MCM3AP: variants seen among roughly 807,000 people sequenced by gnomAD.
MCM3AP encodes the protein germinal-center associated nuclear protein.
Under a neutral mutation model 184.1 loss-of-function variants are expected in MCM3AP, and 126 were observed. The observed-to-expected ratio is 0.68, with a 90% confidence interval of 0.59 to 0.79. MCM3AP has a LOEUF of 0.79. MCM3AP is among the 30% of genes least tolerant of loss of function. The pLI is 0.00. For missense variants in MCM3AP, 2,496 were observed against 2,479.2 expected, an observed-to-expected ratio of 1.01 and a Z score of -0.14; for synonymous variants, 1,002 against 979.3, an observed-to-expected ratio of 1.02 and a Z score of -0.43.
rs376423908 is a variant in MCM3AP at position 46,265,342 on chromosome 21, G to C, written c.3213C>G (p.Pro1071=). 1 of 1,613,854 alleles carries C rather than the reference G, an allele frequency of 6.2e-7. No individual in the cohort carries two copies. The highest frequency in any genetic ancestry group is 8.5e-7 in the Non-Finnish European group (1 of 1,180,016). The stretch of plus-strand genomic sequence containing the variant: ...CTACCTCGTCAGAGTACATGGGCAC[G>C]GGCTCTGGAGGCGGTGGTTCAGGCT... ...SVQPEPPPPE[P]VPMYSDEDLA... is the part of the protein sequence containing the mutation. The change falls in exon 12 of 28, where the codon CCC becomes CCG. Residue 1071 remains proline, a synonymous_variant. Coordinates refer to ENST00000291688, the MANE Select transcript of MCM3AP (RefSeq NM_003906.5).
intron 9 of MCM3AP, 110 bp from the exon 10 acceptor site, chr21:46,267,252 G>C: frequency 9.5e-7 from 1 of 1,047,858 alleles, no homozygotes; most frequent in Non-Finnish European, 1.4e-6. Context: ...GGCTCCTCCT[G>C]GGCTGAGTCC....
In MCM3AP at chr21:46,273,576, C is replaced by A. The variant is rs150303901; in HGVS notation, c.2008G>T (p.Ala670Ser). Residue 670 changes from alanine (A) to serine (S), a missense_variant, in exon 7 of 28, where the codon GCA becomes TCA. Physicochemically the swap from Ala to Ser is moderately conservative, Grantham distance 99. Coordinates refer to ENST00000291688, the MANE Select transcript of MCM3AP (RefSeq NM_003906.5). The stretch of plus-strand genomic sequence containing the variant: ...CGACTGTACTCTTTCACAGCTGCTG[C>A]GTGGTCCACCTAGAGACATGAAGCC... ...VVPGTDQVDH[A>S]AAVKEYSRSS... 2.5e-6 allele frequency: 4 copies of A among 1,613,550 alleles called. No homozygotes were observed. Among genetic ancestry groups the A allele is most frequent in the Non-Finnish European group, 3.4e-6 (4 of 1,179,786 alleles).
Position 46,275,313 on chromosome 21 carries a change from C to T in MCM3AP, c.1871G>A (p.Arg624Lys), listed in dbSNP as rs774056935. Reference protein sequence around the residue: ...DRIMRQARVKRTDLDKARTFV... With the variant: ...DRIMRQARVKKTDLDKARTFV... ...AGTCCTCGCTTTGTCCAGATCGGTT[C>T]TCTTCACCCGAGCTAAATGACGTCA... The change falls in exon 6 of 28, where the codon AGA becomes AAA. Residue 624 changes from arginine to lysine, a missense_variant. Physicochemically the swap from Arg to Lys is conservative, Grantham distance 26 (BLOSUM62 2). This residue lies in a region of MCM3AP where 130 missense variants were observed against 199.8 expected (regional missense o/e 0.65). Coordinates refer to ENST00000291688, the MANE Select transcript of MCM3AP (RefSeq NM_003906.5). The T allele has an allele frequency of 6.2e-7, 1 of 1,612,978 alleles. No individual in the cohort carries two copies. Among genetic ancestry groups the T allele is most frequent in the Non-Finnish European group, 8.5e-7 (1 of 1,179,628 alleles).
chr21:46,259,189 C>T, intron 15 of MCM3AP, 98 bp from the exon 16 acceptor site: 2 of 1,251,364 alleles, frequency 1.6e-6, no homozygotes, highest in Non-Finnish European at 2.2e-6. Context: ...GGCGCGGTGG[C>T]TCACGCCTGT....
At chr21:46,243,273 C>T in intron 24 of MCM3AP, 192 bp downstream of exon 24, 1 of 748,502 alleles carries the variant, frequency 1.3e-6, no homozygotes, top group Non-Finnish European at 2.2e-6. Context: ...GAGGTGAGTT[C>T]AGGCTCTACC....
chr21:46,261,700 T>C (rs2081043766), intron 13 of MCM3AP, among the ~76,000 whole-genome samples: 1 of 138,124 alleles, frequency 7.2e-6, no homozygotes, highest in Non-Finnish European at 1.5e-5. Context: ...GTCACTGTAC[T>C]CCAGCCTGGG....
chr21:46,283,204 CG>C (rs1287009738), intron 2 of MCM3AP, among the ~76,000 whole-genome samples: 2 of 152,192 alleles, frequency 1.3e-5, no homozygotes, highest in Non-Finnish European at 2.9e-5. Flanking sequence ...GGACTACAAG[CG>C]TAAGCCACCA....
chr21:46,254,287 T>C, intron 19 of MCM3AP, 105 bp downstream of exon 19: 2 of 1,235,040 alleles, frequency 1.6e-6, no homozygotes, highest in Non-Finnish European at 2.3e-6. Flanking sequence ...AAACCTACAC[T>C]TCCGAGTTCC....
chr21:46,269,017 A>G, intron 9 of MCM3AP, among the ~76,000 whole-genome samples: 1 of 152,204 alleles, frequency 6.6e-6, no homozygotes, highest in East Asian at 1.9e-4. Context: ...CAGCCTGGGC[A>G]ACAGAGCGAG....
intron 20 of MCM3AP, among the ~76,000 whole-genome samples, chr21:46,248,558 G>A (rs1315769233): frequency 6.6e-6 from 1 of 151,808 alleles, no homozygotes; most frequent in Non-Finnish European, 1.5e-5. Flanking sequence ...GATAGCCTTG[G>A]GTAAGGCATC....
intron 15 of MCM3AP, 26 bp downstream of exon 15, chr21:46,260,767 C>G: frequency 1.3e-6 from 2 of 1,531,602 alleles, no homozygotes; most frequent in Non-Finnish European, 1.8e-6. Flanking sequence ...TCTCCTGGCA[C>G]AGCAAGACAC....
At chr21:46,261,230 T>C in intron 14 of MCM3AP, 50 bp downstream of exon 14, 4 of 1,607,770 alleles carry the variant, frequency 2.5e-6, no homozygotes, top group Non-Finnish European at 3.4e-6. Context: ...AGTTCTTGCC[T>C]GTGTCCACAC....
chr21:46,283,197 C>T (rs756136860), intron 2 of MCM3AP, among the ~76,000 whole-genome samples: 22 of 152,178 alleles, frequency 1.4e-4, no homozygotes, highest in Non-Finnish European at 2.5e-4. Context: ...GGTGCTGGGA[C>T]TACAAGCGTA....
chr21:46,239,406 A>T (rs966877972), intron 26 of MCM3AP, among the ~76,000 whole-genome samples: 1 of 152,252 alleles, frequency 6.6e-6, no homozygotes, highest in Non-Finnish European at 1.5e-5. Context: ...CATGGAAGTC[A>T]TAACAAGTGG....
chr21:46,261,998 T>C (rs2145666832), intron 13 of MCM3AP, among the ~76,000 whole-genome samples: 1 of 152,314 alleles, frequency 6.6e-6, no homozygotes, highest in African/African-American at 2.4e-5. Flanking sequence ...AAAATATCTG[T>C]CATCTAAAAC....
At chr21:46,254,323 C>T in intron 19 of MCM3AP, 69 bp downstream of exon 19, 2 of 1,577,782 alleles carry the variant, frequency 1.3e-6, no homozygotes, top group South Asian at 2.2e-5. Flanking sequence ...GAATACCCGG[C>T]CCTGGCCCAC....
rs748581711 is a variant in MCM3AP, at chr21:46,254,541, C to T, written c.4002-15G>A. The T allele has an allele frequency of 9.9e-6, 16 of 1,613,748 alleles. No individual in the cohort carries two copies. The highest frequency in any genetic ancestry group is 8.3e-5 in the Admixed American group (5 of 59,998). ...ATGCCACATCACTGGGAGGAACAGACCACCGTGGATTAGCCAGTGTGTGAG... is the reference window on the plus strand; with the variant it reads ...ATGCCACATCACTGGGAGGAACAGATCACCGTGGATTAGCCAGTGTGTGAG... On this transcript the variant is annotated splice_polypyrimidine_tract_variant and intron_variant, in intron 18 of 27. Coordinates refer to ENST00000291688, the MANE Select transcript of MCM3AP (RefSeq NM_003906.5).
At chr21:46,276,175 C>T (rs1974113145) in intron 5 of MCM3AP, among the ~76,000 whole-genome samples, 1 of 151,902 alleles carries the variant, frequency 6.6e-6, no homozygotes, top group African/African-American at 2.4e-5. Context: ...TCACTTGAAC[C>T]CGGGAGGCGG....
rs1461093387 is a variant in MCM3AP at position 46,261,353 on chromosome 21, G to T, written c.3394C>A (p.His1132Asn). ...TTAGACACTTCTTCAGCTGCAATGT[G>T]CCTCAAAATGCCCGTGGTTGCAGCT... is the stretch of plus-strand genomic sequence containing the variant. ...LTAATTGILR[H>N]IAAEEVSKER... The change falls in exon 14 of 28, where the codon CAC becomes AAC. Residue 1132 changes from histidine to asparagine, a missense_variant. Transcript: ENST00000291688. 1 of 1,614,072 alleles carries T rather than the reference G, an allele frequency of 6.2e-7. No individual in the cohort carries two copies. The highest frequency in any genetic ancestry group is 1.1e-5 in the South Asian group (1 of 91,082).
Sources: gnomAD v4.1 joint callset for allele counts (sites outside exome capture counted in the v4.1 genomes callset) on GRCh38, gnomAD v4.1.1 for gene constraint, gnomAD v4.1.1 regional missense constraint, MANE v1.5 for transcripts, NCBI Gene and HGNC (gene_info 2026-07-23, HGNC 2026-07-21) for gene names.